The following PITRM1 variants were observed in gnomAD, a reference collection of about 807,000 sequenced individuals.
The protein encoded by PITRM1 is presequence protease, mitochondrial.
PITRM1 carries 100 observed loss-of-function variants against 129.9 expected under a neutral mutation model. That is an observed-to-expected ratio of 0.77 (90% CI 0.65 to 0.91). The LOEUF is 0.91. Ranked by LOEUF, PITRM1 falls within the 40% of genes least tolerant of loss-of-function variation. The pLI is 0.00. For synonymous variants in PITRM1, 591 were observed against 508.8 expected (o/e 1.16, Z -2.17); for missense variants, 1,471 against 1,318.3 (o/e 1.12, Z -1.79).
chr10:3,147,344 G>C, intron 19 of PITRM1, 94 bp from the exon 20 acceptor site: 1 of 1,053,664 alleles, frequency 9.5e-7, no homozygotes, highest in Non-Finnish European at 1.5e-6. Context: ...ACCCTGCTTG[G>C]GCAGGGGTTA....
chr10:3,141,850 G>A (rs529734634), intron 23 of PITRM1: 55 of 258,442 alleles, frequency 2.1e-4, no homozygotes, highest in African/African-American at 1.2e-3. Context: ...GGGTCCTCCA[G>A]GAGAAACCCA....
rs547745096 is a variant in PITRM1 at position 3,163,436 on chromosome 10, G to A, written c.791+289C>T. ...CCATCCATGCACCCCCACTTTCCAC[G>A]CAACCAAGCTAGATGTGAGGCAACA... On this transcript the variant is annotated intron_variant, in intron 7 of 26. Transcript: ENST00000224949. The A allele has an allele frequency of 4.7e-4, 93 of 199,850 alleles. 1 individual carries two copies. The Middle Eastern group carries it at 0.015, about 32-fold the overall frequency. The allele number at this position is 199,850 out of a possible 1,614,324, so 12.4% of individuals were successfully genotyped here.
intron 13 of PITRM1, among the ~76,000 whole-genome samples, chr10:3,156,569 C>T (rs952829737): frequency 2.6e-5 from 4 of 152,176 alleles, no homozygotes; most frequent in East Asian, 1.9e-4. Context: ...AAAACAAACG[C>T]GCAAGCATCA....
At chr10:3,161,684 T>C (rs1424474017) in intron 7 of PITRM1, among the ~76,000 whole-genome samples, 9 of 94,936 alleles carry the variant, frequency 9.5e-5, no homozygotes, top group African/African-American at 2.5e-4. Flanking sequence ...GAGGTGGGGG[T>C]GGGGGCGTAG....
In PITRM1 at chr10:3,143,565, G is replaced by A. The variant is rs562867012; in HGVS notation, c.2533-64C>T. ...ATGCACCGCCCACGGCACTGGGACT[G>A]GACCCACTCAGGGGTCAGAGGCGGC... On this transcript the variant is annotated intron_variant, in intron 22 of 26. Coordinates refer to ENST00000224949, the MANE Select transcript of PITRM1 (RefSeq NM_014889.4). 77 of 1,141,092 alleles carry A rather than the reference G, an allele frequency of 6.7e-5. No individual in the cohort carries two copies. The South Asian group carries it at 9.4e-4, about 14-fold the overall frequency. The allele number at this position is 1,141,092 out of a possible 1,614,324, so 70.7% of individuals were successfully genotyped here.
Position 3,165,505 on chromosome 10 carries a change from T to G in PITRM1, c.441A>C (p.Pro147=). The G allele has an allele frequency of 6.2e-7, 1 of 1,604,592 alleles. No individual in the cohort carries two copies. The highest frequency in any genetic ancestry group is 8.5e-7 in the Non-Finnish European group (1 of 1,172,398). ...AGTCCTTGGGATTTTGTGTGGAAAA[T>G]GGATACAGAGTATAATCACTAGCTG... ...AFTASDYTLY[P]FSTQNPKDFQ... The change falls in exon 5 of 27, where the codon CCA becomes CCC. Residue 147 remains proline, a synonymous_variant. Transcript: ENST00000224949.
Position 3,158,921 on chromosome 10 carries a change from CA to C in PITRM1, c.1128del (p.Asp377MetfsTer32). The C allele has an allele frequency of 6.2e-7, 1 of 1,612,870 alleles. No individual in the cohort carries two copies. The highest frequency in any genetic ancestry group is 8.5e-7 in the Non-Finnish European group (1 of 1,179,508). ...ATCTAATCATAAACTCACCCAACAT[CA>C]GGAGAAAAGTCTGTGCCAAGGCCAG... is the stretch of plus-strand genomic sequence containing the variant. ...IESGLGTDFS[P>X]DVGYNGYTRE... On this transcript the variant is annotated frameshift_variant, in exon 10 of 27. Transcript: ENST00000224949. LOFTEE classifies it high-confidence loss of function.
In PITRM1 at chr10:3,158,238, C is replaced by T. The variant is rs927624633; in HGVS notation, c.1137-85G>A. The stretch of plus-strand genomic sequence containing the variant: ...AATATGCTTGATTTAAAGATCAGAA[C>T]GAAGCGCCTTAAACTCCAGCCCCTC... On this transcript the variant is annotated intron_variant, in intron 10 of 26. Coordinates refer to ENST00000224949, the MANE Select transcript of PITRM1 (RefSeq NM_014889.4). 1.9e-5 allele frequency: 15 copies of T among 779,472 alleles called. No homozygotes were observed. The Admixed American group carries it at 2.2e-4, about 12-fold the overall frequency. The allele number at this position is 779,472 out of a possible 1,614,324, so 48.3% of individuals were successfully genotyped here.
intron 15 of PITRM1, among the ~76,000 whole-genome samples, chr10:3,150,206 C>T (rs1841370780): frequency 6.6e-6 from 1 of 152,184 alleles, no homozygotes; most frequent in Admixed American, 6.5e-5. Flanking sequence ...CCATCCTGAC[C>T]TCAAGGGGAG....
In PITRM1 at chr10:3,147,145, T is replaced by C. The variant is rs771003960; in HGVS notation, c.2336+5A>G. 2.8e-6 allele frequency: 4 copies of C among 1,404,664 alleles called. No individual in the cohort carries two copies. The highest frequency in any genetic ancestry group is 4.0e-6 in the Non-Finnish European group (4 of 990,474). The allele number at this position is 1,404,664 out of a possible 1,614,324, so 87.0% of individuals were successfully genotyped here. A position where few individuals can be genotyped will look rare whatever the true frequency, so the allele number is the denominator to read the frequency against. The stretch of plus-strand genomic sequence containing the variant: ...AAAATATTTAGAAACAAATCACACA[T>C]GCACCTCATATTATCACCATTTAAC... On this transcript the variant is annotated splice_donor_5th_base_variant and intron_variant, in intron 20 of 26. Coordinates refer to ENST00000224949, the MANE Select transcript of PITRM1 (RefSeq NM_014889.4).
At chr10:3,164,542 A>C (rs1842708229) in intron 6 of PITRM1, among the ~76,000 whole-genome samples, 1 of 152,186 alleles carries the variant, frequency 6.6e-6, no homozygotes, top group Non-Finnish European at 1.5e-5. Flanking sequence ...GTAGGACATA[A>C]ATAACTCCCA....
intron 24 of PITRM1, among the ~76,000 whole-genome samples, chr10:3,139,492 TC>T (rs1839965180): frequency 6.6e-6 from 1 of 151,856 alleles, no homozygotes. Context: ...AGACTTCCCT[TC>T]GTGTAAATGC....
intron 6 of PITRM1, 83 bp from the exon 7 acceptor site, chr10:3,163,968 C>A: frequency 2.3e-6 from 2 of 884,082 alleles, no homozygotes; most frequent in East Asian, 3.0e-5. Context: ...GCCAATTGAT[C>A]ACATTCTGGT....
rs1337538499 is a variant in PITRM1 at position 3,147,266 on chromosome 10, CT to C, written c.2236-17del. 1 of 1,580,292 alleles carries C rather than the reference CT, an allele frequency of 6.3e-7. No homozygotes were observed. Among genetic ancestry groups the C allele is most frequent in the African/African-American group, 1.3e-5 (1 of 74,222 alleles). On this transcript the variant is annotated splice_polypyrimidine_tract_variant and intron_variant, in intron 19 of 26. Transcript: ENST00000224949. The stretch of plus-strand genomic sequence containing the variant: ...TCAGCCGCACCTAAGCCAGAGGAAA[CT>C]CGCTCAGAGAGAGGCAGAGGCTACA...
chr10:3,145,947 C>G, intron 20 of PITRM1: 1 of 514,000 alleles, frequency 1.9e-6, no homozygotes, highest in East Asian at 3.5e-5. Flanking sequence ...CGTCCATACG[C>G]GGAGCCTGTG....
intron 23 of PITRM1, chr10:3,141,617 C>G (rs566472840): frequency 4.3e-6 from 2 of 466,010 alleles, no homozygotes; most frequent in Non-Finnish European, 8.9e-6. Context: ...AGAACACATC[C>G]ACCTCCGACA....
intron 23 of PITRM1, among the ~76,000 whole-genome samples, chr10:3,142,706 T>C (rs113435623): frequency 4.9e-4 from 75 of 152,334 alleles, no homozygotes; most frequent in Non-Finnish European, 8.5e-4. Context: ...CTCTTGGCTG[T>C]GGCTTCGGCT....
At chr10:3,145,324 C>T in intron 21 of PITRM1, 2 of 407,668 alleles carry the variant, frequency 4.9e-6, no homozygotes, top group Non-Finnish European at 8.8e-6. Flanking sequence ...GTATTCCAGC[C>T]AAAGTCTGTT....
rs181928073 is a variant in PITRM1, at chr10:3,152,455, G to A, written c.1622-1092C>T. On this transcript the variant is annotated intron_variant, in intron 14 of 26. Coordinates refer to ENST00000224949, the MANE Select transcript of PITRM1 (RefSeq NM_014889.4). Reference sequence around the variant, plus strand: ...CCACCTTCTGAAGTTCCCCGAGAGCGTGCCACGCACTTAGACACGGGACCT... The same window carrying A: ...CCACCTTCTGAAGTTCCCCGAGAGCATGCCACGCACTTAGACACGGGACCT... Among the ~76,000 whole-genome samples, 284 of 152,346 alleles carry A rather than the reference G, an allele frequency of 1.9e-3. 1 individual carries two copies. The highest frequency in any genetic ancestry group is 2.7e-3 in the Non-Finnish European group (182 of 68,036).
Sources: gnomAD v4.1 joint callset for allele counts (sites outside exome capture counted in the v4.1 genomes callset) on GRCh38, gnomAD v4.1.1 for gene constraint, MANE v1.5 for transcripts, NCBI Gene and HGNC (gene_info 2026-07-23, HGNC 2026-07-21) for gene names.